Variants in KCNQ5 observed in about 807,000 individuals in gnomAD.
KCNQ5 encodes potassium voltage-gated channel subfamily Q member 5, also known as potassium voltage-gated channel subfamily KQT member 5.
Under a neutral mutation model 98.2 loss-of-function variants are expected in KCNQ5, and 30 were observed. That is an observed-to-expected ratio of 0.31 (90% CI 0.23 to 0.41). The LOEUF is 0.41. Among genes scored for constraint, KCNQ5 ranks in the 10% least tolerant of loss-of-function variants. KCNQ5 has a pLI of 1.00. For missense variants in KCNQ5, 835 were observed against 1,182.5 expected (o/e 0.71, Z 4.31); for synonymous variants, 458 against 449.4 (o/e 1.02, Z -0.24).
At chr6:72,940,467 T>C (rs1766171215) in intron 1 of KCNQ5, among the ~76,000 whole-genome samples, 1 of 152,140 alleles carries the variant, frequency 6.6e-6, no homozygotes, top group African/African-American at 2.4e-5. Context: ...CAGCAAGGGC[T>C]GCAACAGTCA....
intron 1 of KCNQ5, among the ~76,000 whole-genome samples, chr6:72,819,083 G>T (rs1434370818): frequency 6.6e-6 from 1 of 151,610 alleles, no homozygotes; most frequent in African/African-American, 2.4e-5. Context: ...CTAGATGTAG[G>T]GAATTAATGT....
At chr6:73,139,017 A>G (rs1776596622) in intron 10 of KCNQ5, among the ~76,000 whole-genome samples, 1 of 152,196 alleles carries the variant, frequency 6.6e-6, no homozygotes, top group South Asian at 2.1e-4. Context: ...ACAGCTCTCC[A>G]CAGAGCCTCA....
intron 2 of KCNQ5, among the ~76,000 whole-genome samples, chr6:73,041,510 T>C (rs1203705879): frequency 6.6e-6 from 1 of 152,224 alleles, no homozygotes; most frequent in African/African-American, 2.4e-5. Context: ...TTAGAGATTA[T>C]GTCACTCCTT....
At chr6:72,652,166 C>T (rs988155505) in intron 1 of KCNQ5, among the ~76,000 whole-genome samples, 1 of 151,204 alleles carries the variant, frequency 6.6e-6, no homozygotes, top group African/African-American at 2.4e-5. Flanking sequence ...CAAATATTCT[C>T]CGGGACATTG....
intron 1 of KCNQ5, among the ~76,000 whole-genome samples, chr6:72,636,518 A>G (rs1423869705): frequency 2.0e-5 from 3 of 152,220 alleles, no homozygotes; most frequent in Admixed American, 6.5e-5. Flanking sequence ...TAAGGCTTCT[A>G]TTTCTCTAAA....
chr6:72,980,847 C>CAT (rs1768406589), intron 1 of KCNQ5, among the ~76,000 whole-genome samples: 1 of 152,082 alleles, frequency 6.6e-6, no homozygotes, highest in Non-Finnish European at 1.5e-5. Context: ...AGATACGTTC[C>CAT]ATCAATACCT....
intron 5 of KCNQ5, among the ~76,000 whole-genome samples, chr6:73,084,288 A>G (rs1337707637): frequency 6.6e-6 from 1 of 152,222 alleles, no homozygotes; most frequent in East Asian, 1.9e-4. Context: ...GTCTAAAGAT[A>G]GTGTAAAGGG....
intron 6 of KCNQ5, among the ~76,000 whole-genome samples, chr6:73,109,738 C>T (rs1187695192): frequency 6.6e-6 from 1 of 152,122 alleles, no homozygotes; most frequent in Non-Finnish European, 1.5e-5. Flanking sequence ...AGATAGAGAT[C>T]TTAGACAGCG....
intron 1 of KCNQ5, among the ~76,000 whole-genome samples, chr6:72,737,355 G>A (rs1022395273): frequency 5.9e-5 from 9 of 152,280 alleles, no homozygotes; most frequent in South Asian, 2.1e-4. Flanking sequence ...GAAAAAATAC[G>A]TAATTGTTAT....
chr6:72,681,587 A>G (rs1467536557), intron 1 of KCNQ5, among the ~76,000 whole-genome samples: 2 of 152,190 alleles, frequency 1.3e-5, no homozygotes, highest in African/African-American at 4.8e-5. Flanking sequence ...AATCCATAAT[A>G]TTGATGATAA....
At chr6:72,786,458 A>G (rs1228123614) in intron 1 of KCNQ5, among the ~76,000 whole-genome samples, 4 of 152,224 alleles carry the variant, frequency 2.6e-5, no homozygotes, top group Non-Finnish European at 5.9e-5. Context: ...CATGCTAACT[A>G]TGCCTAATAA....
intron 1 of KCNQ5, among the ~76,000 whole-genome samples, chr6:72,639,670 G>A (rs746346982): frequency 1.3e-5 from 2 of 152,164 alleles, no homozygotes; most frequent in African/African-American, 4.8e-5. Context: ...GCTGATAAGT[G>A]CAAAGCAGTT....
At chr6:73,112,368 CAG>C (rs1775278906) in intron 7 of KCNQ5, among the ~76,000 whole-genome samples, 1 of 149,686 alleles carries the variant, frequency 6.7e-6, no homozygotes, top group South Asian at 2.1e-4. Context: ...TTTTTTGAGA[CAG>C]AGTCCCGCTT....
chr6:72,870,276 T>C (rs1413257867), intron 1 of KCNQ5, among the ~76,000 whole-genome samples: 1 of 152,126 alleles, frequency 6.6e-6, no homozygotes, highest in Admixed American at 6.6e-5. Flanking sequence ...TTTTTTGTTT[T>C]GTTTTGTTTT....
chr6:72,812,904 C>T (rs749286569), intron 1 of KCNQ5, among the ~76,000 whole-genome samples: 1 of 152,160 alleles, frequency 6.6e-6, no homozygotes, highest in African/African-American at 2.4e-5. Context: ...AAAATGGAAA[C>T]ACTATTTTTC....
At position 72,645,220 on chromosome 6, in the gene KCNQ5, A is replaced by C. The variant is rs201614130; in HGVS notation, c.398+22633A>C. ...CCTTGTCACCAAAAAAAAACAAAAA[A>C]AAACAAAAAAAACATAGTAGCTGCG... On this transcript the variant is annotated intron_variant, in intron 1 of 13. Coordinates refer to ENST00000370398, the MANE Select transcript of KCNQ5 (RefSeq NM_019842.4). 9.5e-3 allele frequency among the ~76,000 whole-genome samples: 1,408 copies of C among 148,286 alleles called. 20 individuals carry two copies. Among genetic ancestry groups the C allele is most frequent in the East Asian group, 0.021 (105 of 4,982 alleles).
intron 3 of KCNQ5, chr6:73,055,436 T>A: frequency 1.3e-6 from 2 of 1,534,952 alleles, no homozygotes; most frequent in Non-Finnish European, 9.0e-7. Flanking sequence ...GATCTGCAGG[T>A]GCTCCTATGA....
At chr6:72,714,425 T>C (rs1769536185) in intron 1 of KCNQ5, among the ~76,000 whole-genome samples, 3 of 152,054 alleles carry the variant, frequency 2.0e-5, no homozygotes, top group African/African-American at 7.2e-5. Context: ...ATACCATCTT[T>C]GGAGTTCAAG....
intron 1 of KCNQ5, among the ~76,000 whole-genome samples, chr6:72,862,127 A>C (rs141189636): frequency 1.3e-5 from 2 of 152,234 alleles, no homozygotes; most frequent in East Asian, 3.9e-4. Context: ...TTCTGCCCCA[A>C]TTCCAAATTC....
Sources: gnomAD v4.1 joint callset for allele counts (sites outside exome capture counted in the v4.1 genomes callset) on GRCh38, gnomAD v4.1.1 for gene constraint, MANE v1.5 for transcripts, NCBI Gene and HGNC (gene_info 2026-07-23, HGNC 2026-07-21) for gene names.